The following RORA variants were observed in gnomAD, a reference collection of about 807,000 sequenced individuals.
RORA encodes nuclear receptor ROR-alpha.
Under a neutral mutation model 69.5 loss-of-function variants are expected in RORA, and 7 were observed. That is an observed-to-expected ratio of 0.10 (90% CI 0.06 to 0.19). The LOEUF (loss-of-function observed/expected upper bound fraction) is 0.19, where lower values mean the gene tolerates loss of function less well. RORA is among the 10% of genes least tolerant of loss of function. The probability of loss-of-function intolerance (pLI) is 1.00; values close to 1 mark genes in which losing one functional copy is unlikely to be tolerated. For synonymous variants in RORA, 261 were observed against 240.8 expected, an observed-to-expected ratio of 1.08 and a Z score of -0.78; for missense variants, 457 against 663.0, an observed-to-expected ratio of 0.69 and a Z score of 3.41.
intron 2 of RORA, among the ~76,000 whole-genome samples, chr15:60,660,296 C>T (rs1346744939): frequency 2.6e-5 from 4 of 152,170 alleles, no homozygotes; most frequent in Non-Finnish European, 5.9e-5. Context: ...TAGTTAAAGG[C>T]TCAGAACTGG....
In RORA at chr15:60,495,912, A is replaced by G. The variant is rs1057039471; in HGVS notation, c.*1543T>C. 6.6e-6 allele frequency: 1 copy of G among 152,124 alleles called. No individual in the cohort carries two copies. Among genetic ancestry groups the G allele is most frequent in the Non-Finnish European group, 1.5e-5 (1 of 68,002 alleles). 9.4% of individuals were successfully genotyped at this position (152,124 alleles called of 1,614,324 possible). On this transcript the variant is annotated 3_prime_UTR_variant, in exon 11 of 11. Coordinates refer to ENST00000335670, the MANE Select transcript of RORA (RefSeq NM_134261.3). ...AAAACAACTCAGTATTTCTCACCTG[A>G]ACACACAAGCCAAATAATCTTCTAA...
intron 2 of RORA, among the ~76,000 whole-genome samples, chr15:60,654,255 C>T (rs2070188854): frequency 6.6e-6 from 1 of 152,182 alleles, no homozygotes; most frequent in Non-Finnish European, 1.5e-5. Flanking sequence ...TTCCATGGTA[C>T]ACTGAACTGT....
At chr15:61,039,303 G>T (rs1348381142) in intron 1 of RORA, among the ~76,000 whole-genome samples, 1 of 152,160 alleles carries the variant, frequency 6.6e-6, no homozygotes, top group Non-Finnish European at 1.5e-5. Flanking sequence ...ATACAGTTGG[G>T]CTCTTGTCAA....
chr15:60,969,999 C>G (rs548317437), intron 1 of RORA, among the ~76,000 whole-genome samples: 2 of 152,164 alleles, frequency 1.3e-5, no homozygotes, highest in Non-Finnish European at 2.9e-5. Context: ...CACTCTTGCA[C>G]GCGCACTCTC....
intron 2 of RORA, chr15:60,547,736 C>T (rs1372535355): frequency 6.6e-6 from 1 of 151,362 alleles, no homozygotes; most frequent in Non-Finnish European, 1.5e-5. Flanking sequence ...TCTAGGAGAA[C>T]TATGGCCACT....
At chr15:60,499,861 G>T in intron 10 of RORA, 31 bp downstream of exon 10, 3 of 1,275,464 alleles carry the variant, frequency 2.4e-6, no homozygotes, top group Non-Finnish European at 3.4e-6. Flanking sequence ...GATAGTTCAG[G>T]CCATGCCAAC....
At position 61,187,959 on chromosome 15, in the gene RORA, C is replaced by T. The variant is rs1002722239; in HGVS notation, c.166+41094G>A. On this transcript the variant is annotated intron_variant, in intron 1 of 10. Transcript: ENST00000335670. ...ATCCTCTCCCTCAACCCTCCCCTAA[C>T]ACACCCCTGAACTCCCTGCCTCAGA... 1.1e-4 allele frequency among the ~76,000 whole-genome samples: 17 copies of T among 152,186 alleles called. 1 individual carries two copies. Among genetic ancestry groups the T allele is most frequent in the Admixed American group, 1.1e-3 (17 of 15,280 alleles).
At chr15:61,119,414 CT>C (rs1566998078) in intron 1 of RORA, among the ~76,000 whole-genome samples, 4,112 of 143,880 alleles carry the variant, frequency 0.029, 192 homozygotes, top group African/African-American at 0.099. Flanking sequence ...TATACACACA[CT>C]ATATATATAT....
chr15:60,592,705 T>G, intron 2 of RORA: 1 of 1,047,308 alleles, frequency 9.5e-7, no homozygotes, highest in African/African-American at 1.7e-5. Context: ...CGCGGGCAGG[T>G]GAGTAGCAGC....
intron 1 of RORA, among the ~76,000 whole-genome samples, chr15:61,056,804 G>A (rs1329652765): frequency 1.3e-5 from 2 of 152,102 alleles, no homozygotes; most frequent in Non-Finnish European, 2.9e-5. Flanking sequence ...GTTTCCTTCC[G>A]CAAATAGTCA....
intron 1 of RORA, among the ~76,000 whole-genome samples, chr15:60,879,976 A>T (rs896356376): frequency 6.6e-6 from 1 of 152,180 alleles, no homozygotes; most frequent in Non-Finnish European, 1.5e-5. Flanking sequence ...AGATTTATAA[A>T]ATCTGTGACT....
chr15:60,543,855 T>C (rs768753412), intron 2 of RORA, among the ~76,000 whole-genome samples: 3 of 152,164 alleles, frequency 2.0e-5, no homozygotes, highest in Non-Finnish European at 4.4e-5. Context: ...ATTCCTTTTG[T>C]TGTGTAACGA....
At chr15:61,198,224 A>G (rs2079862351) in intron 1 of RORA, among the ~76,000 whole-genome samples, 1 of 152,212 alleles carries the variant, frequency 6.6e-6, no homozygotes, top group Non-Finnish European at 1.5e-5. Context: ...TTAAATAAAG[A>G]GAGCAGCAGT....
intron 2 of RORA, among the ~76,000 whole-genome samples, chr15:60,677,679 T>A (rs2070574866): frequency 6.6e-6 from 1 of 151,112 alleles, no homozygotes; most frequent in Non-Finnish European, 1.5e-5. Context: ...CAAGATAAAC[T>A]ACTTTGATGT....
chr15:60,954,346 G>A (rs1893203350), intron 1 of RORA, among the ~76,000 whole-genome samples: 1 of 148,666 alleles, frequency 6.7e-6, no homozygotes, highest in Admixed American at 6.7e-5. Context: ...AATGCTAGAT[G>A]ACGAGTTAGT....
Position 61,129,114 on chromosome 15 carries a change from A to G in RORA, c.166+99939T>C, listed in dbSNP as rs115880960. Among the ~76,000 whole-genome samples, 382 of 152,356 alleles carry G rather than the reference A, an allele frequency of 2.5e-3. 1 individual carries two copies. Among genetic ancestry groups the G allele is most frequent in the African/African-American group, 8.7e-3 (362 of 41,592 alleles). Reference sequence around the variant, plus strand: ...AAACTCTGCATTTGGCAGTTTTACAAGTCATTATGGAAATATGTCTACTCT... The same window carrying G: ...AAACTCTGCATTTGGCAGTTTTACAGGTCATTATGGAAATATGTCTACTCT... On this transcript the variant is annotated intron_variant, in intron 1 of 10. Transcript: ENST00000335670.
intron 1 of RORA, among the ~76,000 whole-genome samples, chr15:61,179,239 C>T (rs2079659793): frequency 6.6e-6 from 1 of 152,132 alleles, no homozygotes; most frequent in East Asian, 1.9e-4. Flanking sequence ...TCCAAGGAAA[C>T]CCATGAGGTC....
intron 1 of RORA, among the ~76,000 whole-genome samples, chr15:61,188,305 A>T (rs893245788): frequency 3.3e-5 from 5 of 152,190 alleles, no homozygotes; most frequent in African/African-American, 4.8e-5. Context: ...AGACCCAGGC[A>T]ATGTGTCAAC....
At chr15:60,959,727 T>C (rs1209652682) in intron 1 of RORA, among the ~76,000 whole-genome samples, 3 of 152,198 alleles carry the variant, frequency 2.0e-5, no homozygotes, top group Non-Finnish European at 1.5e-5. Context: ...CCTGGGAAAC[T>C]GGTAGGACGC....
Sources: allele counts gnomAD v4.1 joint callset (sites outside exome capture counted in the v4.1 genomes callset), GRCh38; gene constraint gnomAD v4.1.1; transcripts MANE v1.5; gene names NCBI Gene and HGNC (gene_info 2026-07-23, HGNC 2026-07-21).